PLA2R1: variants seen among roughly 807,000 people sequenced by gnomAD.
The protein encoded by PLA2R1 is phospholipase A2 receptor 1, also known as secretory phospholipase A2 receptor.
A neutral mutation model predicts 195.9 loss-of-function variants in PLA2R1; 158 were observed. The ratio of observed to expected loss-of-function variants is 0.81; its 90% CI spans 0.71 to 0.92. PLA2R1 has a LOEUF of 0.92. Ranked by LOEUF, PLA2R1 falls within the 40% of genes least tolerant of loss-of-function variation. PLA2R1 has a pLI of 0.00. For synonymous variants in PLA2R1, 586 were observed against 598.2 expected, an observed-to-expected ratio of 0.98 and a Z score of 0.30; for missense variants, 1,626 against 1,764.6, an observed-to-expected ratio of 0.92 and a Z score of 1.41.
chr2:159,976,820 T>C lies in PLA2R1; in HGVS notation c.2402-100A>G, dbSNP rs1393355648. ...AACACACTATTTTGTCCTTCATCTT[T>C]TAAAACATCACTTTAAAACAGGTAC... On this transcript the variant is annotated intron_variant, in intron 15 of 29. Coordinates refer to ENST00000283243, the MANE Select transcript of PLA2R1 (RefSeq NM_007366.5). 23 of 876,640 alleles carry C rather than the reference T, an allele frequency of 2.6e-5. No homozygotes were observed. The Admixed American group carries it at 3.2e-4, about 12-fold the overall frequency. The allele number at this position is 876,640 out of a possible 1,614,324, so 54.3% of individuals were successfully genotyped here. A position where few individuals can be genotyped will look rare whatever the true frequency, so the allele number is the denominator to read the frequency against.
chr2:159,998,477 T>C (rs975025803), intron 11 of PLA2R1, among the ~76,000 whole-genome samples: 1 of 152,160 alleles, frequency 6.6e-6, no homozygotes, highest in African/African-American at 2.4e-5. Context: ...TATGTTATCC[T>C]GCAGTGCAGT....
At chr2:160,053,347 G>T (rs1455808972) in intron 1 of PLA2R1, among the ~76,000 whole-genome samples, 1 of 60,052 alleles carries the variant, frequency 1.7e-5, no homozygotes, top group Non-Finnish European at 3.9e-5. Context: ...TACGAATTTG[G>T]TGGGGGGGGG....
intron 3 of PLA2R1, among the ~76,000 whole-genome samples, chr2:160,039,112 C>T (rs576697508): frequency 2.0e-4 from 31 of 152,178 alleles, no homozygotes; most frequent in African/African-American, 6.5e-4. Context: ...GTGATCTGCC[C>T]GCTTCAGCCT....
At position 160,042,102 on chromosome 2, in the gene PLA2R1, C is replaced by T. The variant is rs372443924; in HGVS notation, c.590G>A (p.Arg197Gln). The change falls in exon 3 of 30, where the codon CGG becomes CAG. Residue 197 changes from arginine to glutamine, a missense_variant. Coordinates refer to ENST00000283243, the MANE Select transcript of PLA2R1 (RefSeq NM_007366.5). Reference sequence around the variant, plus strand: ...GGCACACCACAGTAAGTCATCTTCCCGACCTTCACGGGTACATTCATGATG... The same window carrying T: ...GGCACACCACAGTAAGTCATCTTCCTGACCTTCACGGGTACATTCATGATG... ...QWHHECTREGREDDLLWCATT... is the reference protein window; with the variant it reads ...QWHHECTREGQEDDLLWCATT... The T allele has an allele frequency of 1.2e-5, 19 of 1,614,034 alleles. No homozygotes were observed. The highest frequency in any genetic ancestry group is 6.7e-5 in the African/African-American group (5 of 74,946).
In PLA2R1 at chr2:160,033,141, A is replaced by C. The variant is rs1558973262; in HGVS notation, c.668-9T>G. On this transcript the variant is annotated splice_polypyrimidine_tract_variant and intron_variant, in intron 3 of 29. Transcript: ENST00000283243. ...ACCTACTTCTGCAGAGGCTGGAAAC[A>C]ATGGCCATTAAAAACAACCAGGTCT... 1.3e-6 allele frequency: 2 copies of C among 1,599,736 alleles called. No individual in the cohort carries two copies. Among genetic ancestry groups the C allele is most frequent in the Non-Finnish European group, 1.7e-6 (2 of 1,173,846 alleles).
intron 20 of PLA2R1, among the ~76,000 whole-genome samples, chr2:159,964,247 T>C (rs188622104): frequency 3.3e-5 from 5 of 152,264 alleles, no homozygotes; most frequent in Non-Finnish European, 7.4e-5. Context: ...GAACAGGAAG[T>C]TAGTGCTTAA....
chr2:160,042,610 G>T (rs1164732962), intron 2 of PLA2R1, among the ~76,000 whole-genome samples: 1 of 152,000 alleles, frequency 6.6e-6, no homozygotes, highest in Non-Finnish European at 1.5e-5. Flanking sequence ...AATATTTATT[G>T]AACATTTAAT....
intron 17 of PLA2R1, among the ~76,000 whole-genome samples, chr2:159,972,292 T>C (rs1689241615): frequency 6.6e-6 from 1 of 152,176 alleles, no homozygotes; most frequent in African/African-American, 2.4e-5. Flanking sequence ...AATGGATGTT[T>C]GAAATTTTAG....
Position 160,062,393 on chromosome 2 carries a change from G to A in PLA2R1, c.11C>T (p.Ser4Leu), listed in dbSNP as rs1272138086. The change falls in exon 1 of 30, where the codon TCG (serine) becomes TTG (leucine). Residue 4 changes from serine (S) to leucine (L), a missense_variant. Transcript: ENST00000283243. ...CAGCAGCAGCAGCAGCAGCGACGGC[G>A]ACAGCAGCATCGCTAACCACTGGGC... MLL[S>L]PSLLLLLLLG... 3 of 1,540,752 alleles carry A rather than the reference G, an allele frequency of 1.9e-6. No individual in the cohort carries two copies. The highest frequency in any genetic ancestry group is 1.7e-6 in the Non-Finnish European group (2 of 1,142,982).
Position 159,946,873 on chromosome 2 carries a change from G to T in PLA2R1, c.3895C>A (p.Leu1299Ile), listed in dbSNP as rs552748638. ...CCAAAAGCAAACAGCTCTTCTAGGA[G>T]AAATGCATTTTCAGCCTCATCCTTG... The part of the protein sequence containing the change: ...TIKDEAENAF[L>I]LEELFAFGSS... The change falls in exon 27 of 30, where the codon CTC becomes ATC. Residue 1299 changes from leucine (L) to isoleucine (I), a missense_variant. Physicochemically the swap from Leu to Ile is conservative, Grantham distance 5. Transcript: ENST00000283243. 1.2e-6 allele frequency: 2 copies of T among 1,610,854 alleles called. No homozygotes were observed. The highest frequency in any genetic ancestry group is 4.5e-5 in the East Asian group (2 of 44,764).
At position 160,045,104 on chromosome 2, in the gene PLA2R1, C is replaced by G. The variant is rs1694777924; in HGVS notation, c.163G>C (p.Gly55Arg). ...SESLKKCIQA[G>R]KSVLTLENCK... is the part of the protein sequence containing the mutation. ...TTCTCCAGGGTCAGAACCGATTTAC[C>G]TGCTTGAATGCATTTCTTGAGACTC... The change falls in exon 2 of 30, where the codon GGT becomes CGT. Residue 55 changes from glycine to arginine, a missense_variant. Coordinates refer to ENST00000283243, the MANE Select transcript of PLA2R1 (RefSeq NM_007366.5). 1 of 1,612,658 alleles carries G rather than the reference C, an allele frequency of 6.2e-7. No individual in the cohort carries two copies. The highest frequency in any genetic ancestry group is 1.3e-5 in the African/African-American group (1 of 74,938).
chr2:160,012,490 C>G (rs1319865485), intron 10 of PLA2R1, among the ~76,000 whole-genome samples: 3 of 152,170 alleles, frequency 2.0e-5, no homozygotes, highest in Non-Finnish European at 4.4e-5. Context: ...ACAGAGAAGT[C>G]TCAATCTAAA....
At position 159,941,969 on chromosome 2, in the gene PLA2R1, G is replaced by A. The variant is rs753328464; in HGVS notation, c.4201C>T (p.Leu1401Phe). 1 of 1,613,620 alleles carries A rather than the reference G, an allele frequency of 6.2e-7. No individual in the cohort carries two copies. The highest frequency in any genetic ancestry group is 8.5e-7 in the Non-Finnish European group (1 of 1,179,618). ...ACTATCAGTGTCAGTACAACCGCAA[G>A]AGGAATGATGCTGTGACTTGGTCCT... ...EKGPSHSIIPLAVVLTLIVIV... is the reference protein window; with the variant it reads ...EKGPSHSIIPFAVVLTLIVIV... The change falls in exon 30 of 30, where the codon CTT becomes TTT. Residue 1401 changes from leucine to phenylalanine, a missense_variant. Leu to Phe is a conservative substitution (Grantham distance 22). Coordinates refer to ENST00000283243, the MANE Select transcript of PLA2R1 (RefSeq NM_007366.5).
At chr2:160,037,052 C>G (rs1408531750) in intron 3 of PLA2R1, among the ~76,000 whole-genome samples, 1 of 152,212 alleles carries the variant, frequency 6.6e-6, no homozygotes, top group Non-Finnish European at 1.5e-5. Context: ...CTCCTGACAA[C>G]CAGGTCCTGT....
chr2:160,041,890 A>G (rs1694542351), intron 3 of PLA2R1, 135 bp downstream of exon 3: 1 of 671,686 alleles, frequency 1.5e-6, no homozygotes, highest in Admixed American at 2.7e-5. Flanking sequence ...CCAAATCAAA[A>G]TCTGTGTTAA....
Position 159,970,145 on chromosome 2 carries a change from T to C in PLA2R1, c.2660+3A>G. On this transcript the variant is annotated splice_donor_region_variant and intron_variant, in intron 18 of 29. Coordinates refer to ENST00000283243, the MANE Select transcript of PLA2R1 (RefSeq NM_007366.5). ...TTAAATGCAAATGAATCTAGGTTCATACCGAAATTCATCATTGGCTCTTTC... is the reference window on the plus strand; with the variant it reads ...TTAAATGCAAATGAATCTAGGTTCACACCGAAATTCATCATTGGCTCTTTC... The C allele has an allele frequency of 6.3e-7, 1 of 1,584,838 alleles. No individual in the cohort carries two copies. The highest frequency in any genetic ancestry group is 8.6e-7 in the Non-Finnish European group (1 of 1,156,106).
chr2:160,060,394 A>T (rs1695874241), intron 1 of PLA2R1, among the ~76,000 whole-genome samples: 1 of 152,266 alleles, frequency 6.6e-6, no homozygotes, highest in Admixed American at 6.5e-5. Flanking sequence ...TTGTTTTTCC[A>T]TTTTGTATTG....
chr2:159,976,275 A>G, intron 16 of PLA2R1, 50 bp from the exon 17 acceptor site: 1 of 1,328,096 alleles, frequency 7.5e-7, no homozygotes, highest in Non-Finnish European at 1.0e-6. Context: ...TAGGTATGCT[A>G]GGATTGACCC....
At chr2:159,993,453 T>TACACACACACACACAC (rs3063677) in intron 11 of PLA2R1, among the ~76,000 whole-genome samples, 1,673 of 148,276 alleles carry the variant, frequency 0.011, 14 homozygotes, top group Middle Eastern at 0.021. Flanking sequence ...GTGTTTAATT[T>TACACACACACACACAC]ACACACACAC....
Sources: gnomAD v4.1 joint callset for allele counts (sites outside exome capture counted in the v4.1 genomes callset) on GRCh38, gnomAD v4.1.1 for gene constraint, MANE v1.5 for transcripts, NCBI Gene and HGNC (gene_info 2026-07-23, HGNC 2026-07-21) for gene names.